The following PAPPA variants were observed in gnomAD, a reference collection of about 807,000 sequenced individuals.
PAPPA encodes pappalysin 1.
Under a neutral mutation model 164.0 loss-of-function variants are expected in PAPPA, and 60 were observed. The ratio of observed to expected loss-of-function variants is 0.37; its 90% CI spans 0.30 to 0.45. PAPPA has a LOEUF of 0.45. Among genes scored for constraint, PAPPA ranks in the 20% least tolerant of loss-of-function variants. The pLI is 1.00. For synonymous variants in PAPPA, 875 were observed against 814.1 expected (o/e 1.07, Z -1.27); for missense variants, 1,782 against 2,087.3 (o/e 0.85, Z 2.85).
chr9:116,254,575 G>A (rs10983089), intron 7 of PAPPA, among the ~76,000 whole-genome samples: 1,689 of 152,250 alleles, frequency 0.011, 18 homozygotes, highest in Non-Finnish European at 0.017. Flanking sequence ...AAGGTCAGGA[G>A]ATCGAGACCA....
At chr9:116,394,319 TTTC>T (rs1846933556) in intron 21 of PAPPA, among the ~76,000 whole-genome samples, 1 of 152,180 alleles carries the variant, frequency 6.6e-6, no homozygotes, top group Non-Finnish European at 1.5e-5. Flanking sequence ...CTTTTGCATG[TTTC>T]TTCTTGCTTG....
intron 21 of PAPPA, among the ~76,000 whole-genome samples, chr9:116,394,219 G>A (rs1462667856): frequency 1.3e-5 from 2 of 152,128 alleles, no homozygotes; most frequent in African/African-American, 4.8e-5. Context: ...AGGCAGGAAA[G>A]ATCGTGAAAT....
intron 1 of PAPPA, among the ~76,000 whole-genome samples, chr9:116,165,592 G>A (rs1843711721): frequency 6.6e-6 from 1 of 151,970 alleles, no homozygotes; most frequent in Admixed American, 6.6e-5. Flanking sequence ...CCTTCAACCT[G>A]CCCACCAACA....
intron 6 of PAPPA, among the ~76,000 whole-genome samples, chr9:116,233,200 T>A (rs1489478914): frequency 6.6e-6 from 1 of 152,264 alleles, no homozygotes; most frequent in East Asian, 1.9e-4. Context: ...AAAAGCTACA[T>A]GGCGTTGAGC....
intron 7 of PAPPA, among the ~76,000 whole-genome samples, chr9:116,248,100 A>G (rs910337276): frequency 2.0e-5 from 3 of 152,220 alleles, no homozygotes; most frequent in Non-Finnish European, 4.4e-5. Flanking sequence ...GTATGTGTAA[A>G]AGGCAAACAC....
At chr9:116,186,293 T>TATAGATATAG (rs1564176996) in intron 1 of PAPPA, among the ~76,000 whole-genome samples, 12 of 150,280 alleles carry the variant, frequency 8.0e-5, no homozygotes, top group African/African-American at 2.7e-4. Flanking sequence ...TATAGATATA[T>TATAGATATAG]ATAGACAGAG....
intron 9 of PAPPA, among the ~76,000 whole-genome samples, chr9:116,291,650 G>C (rs1465137656): frequency 6.6e-6 from 1 of 152,028 alleles, no homozygotes; most frequent in Non-Finnish European, 1.5e-5. Context: ...AAATTCAAGA[G>C]CTGTACAAAA....
At chr9:116,166,323 G>C (rs1482094015) in intron 1 of PAPPA, among the ~76,000 whole-genome samples, 1 of 152,162 alleles carries the variant, frequency 6.6e-6, no homozygotes, top group Non-Finnish European at 1.5e-5. Context: ...TCTCAGCCCT[G>C]TGCCTGTTTG....
At chr9:116,316,018 A>G (rs1845783871) in intron 10 of PAPPA, among the ~76,000 whole-genome samples, 1 of 152,192 alleles carries the variant, frequency 6.6e-6, no homozygotes, top group Non-Finnish European at 1.5e-5. Flanking sequence ...TAGGTCACTT[A>G]CCCAAGTTCT....
chr9:116,261,357 A>G (rs1378785024), intron 7 of PAPPA, among the ~76,000 whole-genome samples: 1 of 152,190 alleles, frequency 6.6e-6, no homozygotes, highest in Non-Finnish European at 1.5e-5. Context: ...GAGCTCAGAG[A>G]GAGTTTTCTG....
chr9:116,156,486 A>G (rs1211664406), intron 1 of PAPPA, among the ~76,000 whole-genome samples: 1 of 151,838 alleles, frequency 6.6e-6, no homozygotes, highest in Non-Finnish European at 1.5e-5. Flanking sequence ...TTGCAGTAAA[A>G]TACTTTAATT....
At chr9:116,379,373 C>T (rs987333608) in intron 20 of PAPPA, among the ~76,000 whole-genome samples, 3 of 152,246 alleles carry the variant, frequency 2.0e-5, no homozygotes, top group East Asian at 1.9e-4. Context: ...CTGTTTTCTG[C>T]ACCATGCTGG....
intron 8 of PAPPA, among the ~76,000 whole-genome samples, chr9:116,269,093 T>C (rs1845107794): frequency 6.6e-6 from 1 of 152,192 alleles, no homozygotes. Context: ...GTTTTGATAA[T>C]GACAATAATA....
rs1054845561 is a variant in PAPPA at position 116,397,669 on chromosome 9, G to C, written c.*1053G>C. 6.6e-6 allele frequency: 1 copy of C among 152,636 alleles called. No homozygotes were observed. The highest frequency in any genetic ancestry group is 6.5e-5 in the Admixed American group (1 of 15,276). The allele number at this position is 152,636 out of a possible 1,614,324, so 9.5% of individuals were successfully genotyped here. The stretch of plus-strand genomic sequence containing the variant: ...TAAGTGGGCCTCTCACCCTGGAAAG[G>C]AGTTGAGGGACATCAGATGCTGGAA... On this transcript the variant is annotated 3_prime_UTR_variant, in exon 22 of 22. Coordinates refer to ENST00000328252, the MANE Select transcript of PAPPA (RefSeq NM_002581.5).
chr9:116,255,095 T>A (rs969720115), intron 7 of PAPPA, among the ~76,000 whole-genome samples: 3 of 151,938 alleles, frequency 2.0e-5, no homozygotes, highest in African/African-American at 7.2e-5. Context: ...ACTCTGAGTT[T>A]CACCTTCCTA....
At chr9:116,367,067 A>G (rs529479958) in intron 18 of PAPPA, among the ~76,000 whole-genome samples, 1 of 152,262 alleles carries the variant, frequency 6.6e-6, no homozygotes, top group South Asian at 2.1e-4. Flanking sequence ...ATGATGGAGT[A>G]CTCTCACTCA....
At chr9:116,160,614 C>T (rs1313910503) in intron 1 of PAPPA, among the ~76,000 whole-genome samples, 1 of 152,236 alleles carries the variant, frequency 6.6e-6, no homozygotes, top group Non-Finnish European at 1.5e-5. Context: ...AGAGGACTCC[C>T]TCTATGGGCA....
intron 1 of PAPPA, among the ~76,000 whole-genome samples, chr9:116,159,541 C>T (rs908801770): frequency 6.6e-6 from 1 of 152,102 alleles, no homozygotes; most frequent in African/African-American, 2.4e-5. Flanking sequence ...CAAAGGAGGC[C>T]CAGAACCACT....
rs187321785 is a variant in PAPPA at position 116,357,262 on chromosome 9, A to C, written c.4347+3469A>C. ...TGTTAACTTTTATTTAATTTGAAGT[A>C]ATTCAAAGTTGAAGGCAAATAGCCA... is the stretch of plus-strand genomic sequence containing the variant. On this transcript the variant is annotated intron_variant, in intron 17 of 21. Transcript: ENST00000328252. Among the ~76,000 whole-genome samples the C allele has an allele frequency of 2.9e-4, 44 of 152,378 alleles. No homozygotes were observed. In the East Asian group the frequency reaches 5.6e-3, roughly 19 times the overall value.
Sources: allele counts gnomAD v4.1 joint callset (sites outside exome capture counted in the v4.1 genomes callset), GRCh38; gene constraint gnomAD v4.1.1; transcripts MANE v1.5; gene names NCBI Gene and HGNC (gene_info 2026-07-23, HGNC 2026-07-21).